Variants in NCKAP1L observed in about 807,000 individuals in gnomAD.
NCKAP1L encodes nck-associated protein 1-like.
A neutral mutation model predicts 139.2 loss-of-function variants in NCKAP1L; 53 were observed. That is an observed-to-expected ratio of 0.38 (90% CI 0.31 to 0.48). The LOEUF (loss-of-function observed/expected upper bound fraction) is 0.48. Ranked by LOEUF, NCKAP1L falls within the 20% of genes least tolerant of loss-of-function variation. The pLI, the probability that NCKAP1L is intolerant of heterozygous loss-of-function variation, is 0.98. For missense variants in NCKAP1L, 1,151 were observed against 1,381.9 expected (o/e 0.83, Z 2.65); for synonymous variants, 468 against 499.7 (o/e 0.94, Z 0.85).
intron 30 of NCKAP1L, among the ~76,000 whole-genome samples, chr12:54,539,953 G>A (rs1957144210): frequency 6.6e-6 from 1 of 152,192 alleles, no homozygotes; most frequent in African/African-American, 2.4e-5. Flanking sequence ...ATGCAGATAA[G>A]GAAGTCTACA....
rs939649431 is a variant in NCKAP1L at position 54,544,562 on chromosome 12, A to G, written c.*1877A>G. ...CACTGCCACAACCAGGATAACTGACATTGATATAATCTACTGATCTTGTTC... is the reference window on the plus strand; with the variant it reads ...CACTGCCACAACCAGGATAACTGACGTTGATATAATCTACTGATCTTGTTC... On this transcript the variant is annotated 3_prime_UTR_variant, in exon 31 of 31. Coordinates refer to ENST00000293373, the MANE Select transcript of NCKAP1L (RefSeq NM_005337.5). 1.3e-5 allele frequency: 2 copies of G among 152,336 alleles called. No homozygotes were observed. Among genetic ancestry groups the G allele is most frequent in the Non-Finnish European group, 2.9e-5 (2 of 68,024 alleles). 9.4% of individuals were successfully genotyped at this position (152,336 alleles called of 1,614,324 possible). A position where few individuals can be genotyped will look rare whatever the true frequency, so the allele number is the denominator to read the frequency against.
intron 29 of NCKAP1L, 148 bp from the exon 30 acceptor site, chr12:54,538,736 G>T: frequency 1.6e-6 from 1 of 636,310 alleles, no homozygotes. Context: ...CTGAAACCTA[G>T]GAGATTTGCC....
chr12:54,532,387 T>A, intron 26 of NCKAP1L, 137 bp downstream of exon 26: 1 of 512,548 alleles, frequency 2.0e-6, no homozygotes, highest in Non-Finnish European at 3.4e-6. Flanking sequence ...GGAAAACTGG[T>A]CAGATGAATA....
chr12:54,525,185 A>G (rs1957017060), intron 20 of NCKAP1L, among the ~76,000 whole-genome samples: 1 of 152,074 alleles, frequency 6.6e-6, no homozygotes, highest in Non-Finnish European at 1.5e-5. Context: ...GTGAGATGGG[A>G]GATGGGGAGC....
chr12:54,505,331 A>G (rs186839076), intron 3 of NCKAP1L, among the ~76,000 whole-genome samples: 1 of 152,212 alleles, frequency 6.6e-6, no homozygotes, highest in Admixed American at 6.5e-5. Flanking sequence ...TTTGGAAGAT[A>G]AGTAAGAAGC....
chr12:54,516,354 T>G, intron 10 of NCKAP1L, 59 bp downstream of exon 10: 2 of 1,517,826 alleles, frequency 1.3e-6, no homozygotes, highest in East Asian at 2.3e-5. Flanking sequence ...CTTCTCACTT[T>G]TGTTCTCACC....
chr12:54,531,226 A>T (rs1957066288), intron 22 of NCKAP1L, 34 bp from the exon 23 acceptor site: 1 of 1,512,572 alleles, frequency 6.6e-7, no homozygotes, highest in East Asian at 2.3e-5. Context: ...GTGCCTTCTG[A>T]GTCCCATCTG....
At chr12:54,521,951 T>C (rs1373859662) in intron 18 of NCKAP1L, among the ~76,000 whole-genome samples, 2 of 152,112 alleles carry the variant, frequency 1.3e-5, no homozygotes, top group Non-Finnish European at 2.9e-5. Flanking sequence ...CTTAACCTTT[T>C]TATTTTTCAT....
intron 9 of NCKAP1L, among the ~76,000 whole-genome samples, chr12:54,513,102 T>C (rs2120906233): frequency 6.6e-6 from 1 of 152,302 alleles, no homozygotes; most frequent in Admixed American, 6.5e-5. Context: ...GACATGATCA[T>C]ATTTGCATTT....
intron 26 of NCKAP1L, among the ~76,000 whole-genome samples, chr12:54,532,907 G>A (rs1035961078): frequency 1.3e-5 from 2 of 152,360 alleles, no homozygotes; most frequent in Non-Finnish European, 2.9e-5. Flanking sequence ...CCTAGGAATA[G>A]AATCCTTCAA....
intron 3 of NCKAP1L, among the ~76,000 whole-genome samples, chr12:54,506,352 C>T (rs939180257): frequency 4.6e-5 from 7 of 152,160 alleles, no homozygotes; most frequent in African/African-American, 1.7e-4. Context: ...TTTAAATTTG[C>T]ATTTCCCTGA....
In NCKAP1L at chr12:54,542,676, C is replaced by T; in HGVS notation, c.3375C>T (p.His1125=). 6.2e-7 allele frequency: 1 copy of T among 1,612,658 alleles called. No homozygotes were observed. The highest frequency in any genetic ancestry group is 8.5e-7 in the Non-Finnish European group (1 of 1,178,700). The change falls in exon 31 of 31, where the codon CAC becomes CAT. Residue 1125 remains histidine (H), a synonymous_variant. Coordinates refer to ENST00000293373, the MANE Select transcript of NCKAP1L (RefSeq NM_005337.5). ...NAYREVSRAF[H]LN is the part of the protein sequence containing the mutation. ...ATCGGGAGGTGTCTCGGGCCTTCCA[C>T]CTAAACTGAATGCCTGCCAGTACCC... is the stretch of plus-strand genomic sequence containing the variant.
chr12:54,519,213 T>G lies in NCKAP1L; in HGVS notation c.1506T>G (p.Pro502=), dbSNP rs753256413. ...LQAYTSVAKA[P]LHLHENPDLA... is the part of the protein sequence containing the mutation. ...CATACACTAGCGTGGCTAAGGCCCC[T>G]CTGCACCTGCATGAGAACCCTGACT... Residue 502 remains proline, a synonymous_variant, in exon 16 of 31, where the codon CCT becomes CCG. Transcript: ENST00000293373. 1 of 1,575,158 alleles carries G rather than the reference T, an allele frequency of 6.3e-7. No homozygotes were observed.
rs1295641487 is a variant in NCKAP1L at position 54,518,636 on chromosome 12, C to T, written c.1339-15C>T. On this transcript the variant is annotated splice_polypyrimidine_tract_variant and intron_variant, in intron 13 of 30. Coordinates refer to ENST00000293373, the MANE Select transcript of NCKAP1L (RefSeq NM_005337.5). ...ACCTGTGCCCACTTGACAGTAACTGCAGCTCCTTTTTTAGAACTTGTCTGT... is the reference window on the plus strand; with the variant it reads ...ACCTGTGCCCACTTGACAGTAACTGTAGCTCCTTTTTTAGAACTTGTCTGT... The T allele has an allele frequency of 1.2e-6, 2 of 1,611,500 alleles. No homozygotes were observed. Among genetic ancestry groups the T allele is most frequent in the Non-Finnish European group, 1.7e-6 (2 of 1,177,590 alleles).
Position 54,546,762 on chromosome 12 carries a change from T to C in NCKAP1L, c.*4077T>C, listed in dbSNP as rs763572857. On this transcript the variant is annotated 3_prime_UTR_variant, in exon 31 of 31. Coordinates refer to ENST00000293373, the MANE Select transcript of NCKAP1L (RefSeq NM_005337.5). ...TCAAGTACTCTCCCTCCCACTTGAA[T>C]AGGAAGCAGGAGCAGCAGGCCAGGT... is the stretch of plus-strand genomic sequence containing the variant. 1 of 152,366 alleles carries C rather than the reference T, an allele frequency of 6.6e-6. No individual in the cohort carries two copies. Among genetic ancestry groups the C allele is most frequent in the Admixed American group, 6.5e-5 (1 of 15,280 alleles). The allele number at this position is 152,366 out of a possible 1,614,324, so 9.4% of individuals were successfully genotyped here.
At chr12:54,514,453 C>G (rs1489982805) in intron 9 of NCKAP1L, among the ~76,000 whole-genome samples, 3 of 152,028 alleles carry the variant, frequency 2.0e-5, no homozygotes, top group African/African-American at 2.4e-5. Flanking sequence ...TCCCAAGTAG[C>G]TGGGATTACA....
chr12:54,531,232 A>G (rs1957066447), intron 22 of NCKAP1L, 28 bp from the exon 23 acceptor site: 1 of 1,577,256 alleles, frequency 6.3e-7, no homozygotes, highest in South Asian at 1.1e-5. Context: ...TCTGAGTCCC[A>G]TCTGGGGCCT....
rs1360005610 is a variant in NCKAP1L at position 54,523,374 on chromosome 12, A to C, written c.1879-20A>C. 3.1e-6 allele frequency: 5 copies of C among 1,602,776 alleles called. No individual in the cohort carries two copies. The highest frequency in any genetic ancestry group is 4.2e-6 in the Non-Finnish European group (5 of 1,176,642). The stretch of plus-strand genomic sequence containing the variant: ...AGCAACAAATCCCCTTTCTCCATTT[A>C]CCTGTGTTTGTTTCTGAAGCTTCTA... On this transcript the variant is annotated intron_variant, in intron 18 of 30. Coordinates refer to ENST00000293373, the MANE Select transcript of NCKAP1L (RefSeq NM_005337.5).
intron 3 of NCKAP1L, among the ~76,000 whole-genome samples, chr12:54,504,708 T>C (rs1001684147): frequency 2.0e-5 from 3 of 152,234 alleles, no homozygotes; most frequent in Non-Finnish European, 4.4e-5. Context: ...TGTATGACTT[T>C]AGATAAGAAA....
Sources: allele counts gnomAD v4.1 joint callset (sites outside exome capture counted in the v4.1 genomes callset), GRCh38; gene constraint gnomAD v4.1.1; transcripts MANE v1.5; gene names NCBI Gene and HGNC (gene_info 2026-07-23, HGNC 2026-07-21).